The following MATR3 variants were observed in gnomAD, a reference collection of about 807,000 sequenced individuals.
MATR3 encodes matrin-3.
A neutral mutation model predicts 85.5 loss-of-function variants in MATR3; 4 were observed. That is an observed-to-expected ratio of 0.05 (90% CI 0.02 to 0.11). The LOEUF (loss-of-function observed/expected upper bound fraction) is 0.11, where lower values mean the gene tolerates loss of function less well. MATR3 is among the 10% of genes least tolerant of loss of function. The pLI is 1.00. For synonymous variants in MATR3, 336 were observed against 343.1 expected (o/e 0.98, Z 0.23); for missense variants, 685 against 1,016.1 (o/e 0.67, Z 4.43).
At chr5:139,288,800 C>A (rs1448491600), upstream of MATR3, among the ~76,000 whole-genome samples, 1 of 152,120 alleles carries the variant, frequency 6.6e-6, no homozygotes, top group Non-Finnish European at 1.5e-5. Context: ...GCCACCACGC[C>A]CAGCTAATTT....
Position 139,325,564 on chromosome 5 carries a change from C to A in MATR3, c.2273C>A (p.Thr758Lys), listed in dbSNP as rs757346695. ...AACGCTGATGATCCCAACAAAGATA[C>A]AAGTGAAAACGCAGATGGTCAAAGT... is the stretch of plus-strand genomic sequence containing the variant. ...SENADDPNKDTSENADGQSDE... is the reference protein window; with the variant it reads ...SENADDPNKDKSENADGQSDE... The change falls in exon 13 of 15, where the codon ACA (threonine) becomes AAA (lysine). Residue 758 changes from threonine to lysine, a missense_variant. By Grantham distance (78) the Thr-to-Lys change is moderately conservative (BLOSUM62 -1). Around this residue, in one of 9 missense-constraint regions of MATR3, gnomAD observed 215 missense variants for 194.7 expected, o/e 1.10. Coordinates refer to ENST00000394805, the MANE Select transcript of MATR3 (RefSeq NM_018834.6). 1.7e-5 allele frequency: 27 copies of A among 1,614,050 alleles called. No individual in the cohort carries two copies. Among genetic ancestry groups the A allele is most frequent in the Admixed American group, 3.3e-5 (2 of 59,984 alleles).
chr5:139,278,116 C>G (rs1464077390), intron 2 of MATR3, among the ~76,000 whole-genome samples: 2 of 151,772 alleles, frequency 1.3e-5, no homozygotes, highest in African/African-American at 2.4e-5. Flanking sequence ...ACCTGTAGTC[C>G]CAGCTGCTTG....
intron 3 of MATR3, chr5:139,285,344 A>T (rs1240711710): frequency 6.6e-6 from 1 of 152,180 alleles, no homozygotes; most frequent in East Asian, 1.9e-4. Context: ...TTAGATTTTT[A>T]AAAAATATTC....
intron 3 of MATR3, among the ~76,000 whole-genome samples, chr5:139,281,634 G>T (rs1367997858): frequency 6.6e-6 from 1 of 151,974 alleles, no homozygotes; most frequent in African/African-American, 2.4e-5. Context: ...TTACAGGTGT[G>T]AGCTACCACA....
chr5:139,314,910 G>T, intron 3 of MATR3, 174 bp downstream of exon 3: 1 of 603,458 alleles, frequency 1.7e-6, no homozygotes, highest in South Asian at 1.7e-5. Context: ...ATTTCATATT[G>T]AATATTAGAT....
intron 3 of MATR3, chr5:139,315,493 A>G (rs1326888476): frequency 1.9e-6 from 1 of 527,262 alleles, no homozygotes; most frequent in Non-Finnish European, 3.4e-6. Flanking sequence ...AGCAATACAA[A>G]ACAAGTTTAT....
chr5:139,329,975 G>C lies in MATR3; in HGVS notation c.*580G>C, dbSNP rs926382209. On this transcript the variant is annotated 3_prime_UTR_variant, in exon 15 of 15. Transcript: ENST00000394805. ...GGTAATAAGAAATATTAAGTAATTG[G>C]CTTTAGATTTTGTAATTTTTTTCCC... is the stretch of plus-strand genomic sequence containing the variant. The C allele has an allele frequency of 4.4e-6, 2 of 452,946 alleles. No homozygotes were observed. Among genetic ancestry groups the C allele is most frequent in the Non-Finnish European group, 8.8e-6 (2 of 226,028 alleles). 28.1% of individuals were successfully genotyped at this position (452,946 alleles called of 1,614,324 possible).
chr5:139,320,292 A>G (rs1755489988), intron 9 of MATR3, among the ~76,000 whole-genome samples: 1 of 151,874 alleles, frequency 6.6e-6, no homozygotes. Flanking sequence ...TGGGTGACAG[A>G]GCAAGACTCC....
chr5:139,317,484 TTTAC>T, intron 6 of MATR3, 108 bp from the exon 7 acceptor site: 1 of 1,076,098 alleles, frequency 9.3e-7, no homozygotes, highest in South Asian at 1.3e-5. Context: ...TATGAGTTGT[TTTAC>T]TTACACTCTC....
intron 7 of MATR3, among the ~76,000 whole-genome samples, 178 bp from the exon 8 acceptor site, chr5:139,318,730 A>T (rs992883178): frequency 1.3e-5 from 2 of 152,236 alleles, no homozygotes; most frequent in Non-Finnish European, 2.9e-5. Flanking sequence ...CAGGCATGAG[A>T]TACTGGGCCC....
At chr5:139,294,038 C>CA in intron 1 of MATR3, 4 of 1,275,820 alleles carry the variant, frequency 3.1e-6, no homozygotes, top group South Asian at 5.1e-5. Context: ...GGTGAGCGGT[C>CA]CGGGAGGGAA....
At chr5:139,276,469 C>T (rs1753279951) in intron 2 of MATR3, 2 of 336,348 alleles carry the variant, frequency 5.9e-6, no homozygotes, top group Non-Finnish European at 1.2e-5. Context: ...AATAACTCCT[C>T]ATAATGTGTT....
chr5:139,330,811 TC>T lies in MATR3; in HGVS notation c.*1419del, dbSNP rs35263875. Reference sequence around the variant, plus strand: ...TCTGTTGTAAACAATTTTTTTTTCTTCCCTGACACAGGGTCTCACTCTGTCA... The same window carrying T: ...TCTGTTGTAAACAATTTTTTTTTCTTCCTGACACAGGGTCTCACTCTGTCA... On this transcript the variant is annotated 3_prime_UTR_variant, in exon 15 of 15. Transcript: ENST00000394805. The T allele has an allele frequency of 2.2e-6, 1 of 453,994 alleles. No individual in the cohort carries two copies. The highest frequency in any genetic ancestry group is 2.0e-5 in the African/African-American group (1 of 50,002). 28.1% of individuals were successfully genotyped at this position (453,994 alleles called of 1,614,324 possible).
At chr5:139,294,104 C>A in intron 1 of MATR3, 1 of 1,221,380 alleles carries the variant, frequency 8.2e-7, no homozygotes, top group South Asian at 2.9e-5. Context: ...TGAAGAGGTG[C>A]GCTGACCGGC....
intron 9 of MATR3, among the ~76,000 whole-genome samples, chr5:139,320,448 A>T (rs997590017): frequency 9.9e-5 from 15 of 151,928 alleles, no homozygotes; most frequent in East Asian, 7.7e-4. Context: ...ACAAAAAAAA[A>T]TTTTTTTTAA....
At chr5:139,292,217 C>T (rs1015130150), upstream of MATR3, 4 of 152,038 alleles carry the variant, frequency 2.6e-5, no homozygotes, top group Admixed American at 2.6e-4. Context: ...CCGCCAAGGC[C>T]TCCAAAAGTG....
chr5:139,311,750 C>CTTTTTTTTTTTTTTTTTTTTTTTTTTT (rs552172719), intron 2 of MATR3: 5 of 65,236 alleles, frequency 7.7e-5, no homozygotes, highest in African/African-American at 1.3e-4. Flanking sequence ...TTAATTAATC[C>CTTTTTTTTTTTTTTTTTTTTTTTTTTT]TTTTTTTTTT....
At chr5:139,303,622 T>A (rs1400772625) in intron 1 of MATR3, among the ~76,000 whole-genome samples, 2 of 152,104 alleles carry the variant, frequency 1.3e-5, no homozygotes, top group Non-Finnish European at 2.9e-5. Context: ...TAGTCCCGGC[T>A]ACTTGGGCTG....
In MATR3 at chr5:139,330,886, G is replaced by A. The variant is rs1488266190; in HGVS notation, c.*1491G>A. ...AGTTCTCTGCAACCTCAGCCTTTGG[G>A]CTCAAATGACCCTCCTACCTCAGTC... On this transcript the variant is annotated 3_prime_UTR_variant, in exon 15 of 15. Transcript: ENST00000394805. The A allele has an allele frequency of 4.4e-6, 2 of 453,896 alleles. No homozygotes were observed. Among genetic ancestry groups the A allele is most frequent in the Non-Finnish European group, 8.8e-6 (2 of 226,704 alleles). The allele number at this position is 453,896 out of a possible 1,614,324, so 28.1% of individuals were successfully genotyped here. A position where few individuals can be genotyped will look rare whatever the true frequency, so the allele number is the denominator to read the frequency against.
Sources: gnomAD v4.1 joint callset for allele counts (sites outside exome capture counted in the v4.1 genomes callset) on GRCh38, gnomAD v4.1.1 for gene constraint, gnomAD v4.1.1 regional missense constraint, MANE v1.5 for transcripts, NCBI Gene and HGNC (gene_info 2026-07-23, HGNC 2026-07-21) for gene names.